The following DLG2 variants were observed in gnomAD, a reference collection of about 807,000 sequenced individuals.
DLG2 encodes the protein discs large MAGUK scaffold protein 2.
A neutral mutation model predicts 132.5 loss-of-function variants in DLG2; 45 were observed. The ratio of observed to expected loss-of-function variants is 0.34; its 90% CI spans 0.27 to 0.44. The LOEUF is 0.44. DLG2 is among the 20% of genes least tolerant of loss of function. The pLI is 1.00. For synonymous variants in DLG2, 424 were observed against 419.6 expected, an observed-to-expected ratio of 1.01 and a Z score of -0.13; for missense variants, 1,045 against 1,196.9, an observed-to-expected ratio of 0.87 and a Z score of 1.87.
chr11:84,429,457 T>C (rs970827808), intron 7 of DLG2, among the ~76,000 whole-genome samples: 1 of 152,160 alleles, frequency 6.6e-6, no homozygotes, highest in Non-Finnish European at 1.5e-5. Context: ...TTAATTCCTA[T>C]ACTTAATACA....
At chr11:84,805,017 A>G (rs1189944781) in intron 6 of DLG2, among the ~76,000 whole-genome samples, 1 of 152,172 alleles carries the variant, frequency 6.6e-6, no homozygotes, top group Non-Finnish European at 1.5e-5. Flanking sequence ...GTATCAGAAG[A>G]GGCCTTCTGG....
intron 3 of DLG2, among the ~76,000 whole-genome samples, chr11:85,460,804 G>C (rs968447313): frequency 6.6e-6 from 1 of 152,188 alleles, no homozygotes; most frequent in Non-Finnish European, 1.5e-5. Context: ...GCAAGTTCCT[G>C]CTTTGAAAAA....
At chr11:84,765,687 C>T (rs926818277) in intron 6 of DLG2, among the ~76,000 whole-genome samples, 1 of 151,958 alleles carries the variant, frequency 6.6e-6, no homozygotes, top group African/African-American at 2.4e-5. Flanking sequence ...AATATTTAAG[C>T]AACCCATTCT....
At chr11:83,870,727 G>A (rs1323071288) in intron 16 of DLG2, among the ~76,000 whole-genome samples, 3 of 152,016 alleles carry the variant, frequency 2.0e-5, no homozygotes, top group Non-Finnish European at 4.4e-5. Context: ...TGCTAATTGG[G>A]GGACTCTTCA....
At chr11:83,876,625 T>A (rs2064850804) in intron 15 of DLG2, among the ~76,000 whole-genome samples, 1 of 152,082 alleles carries the variant, frequency 6.6e-6, no homozygotes, top group African/African-American at 2.4e-5. Flanking sequence ...GATATAAGTA[T>A]TCCCATACAC....
Position 84,168,822 on chromosome 11 carries a change from CACAT to C in DLG2, c.574-5315_574-5312del, listed in dbSNP as rs987870270. ...GCCACAGCAAATCAACACACACACA[CACAT>C]ACACACACACACACACACACACACA... On this transcript the variant is annotated intron_variant, in intron 8 of 27. Transcript: ENST00000376104. Among the ~76,000 whole-genome samples, 15 of 108,438 alleles carry C rather than the reference CACAT, an allele frequency of 1.4e-4. 1 individual carries two copies. Among genetic ancestry groups the C allele is most frequent in the Admixed American group, 5.1e-4 (5 of 9,716 alleles). The allele number at this position is 108,438 out of a possible 152,430, so 71.1% of individuals were successfully genotyped here. A position where few individuals can be genotyped will look rare whatever the true frequency, so the allele number is the denominator to read the frequency against.
chr11:84,759,208 T>C (rs76791900), intron 6 of DLG2, among the ~76,000 whole-genome samples: 157 of 152,198 alleles, frequency 1.0e-3, no homozygotes, highest in African/African-American at 3.4e-3. Context: ...TAAGTAACCA[T>C]TGTCACTAGA....
At chr11:85,578,141 AG>A (rs1431082729) in intron 3 of DLG2, among the ~76,000 whole-genome samples, 15 of 152,190 alleles carry the variant, frequency 9.9e-5, no homozygotes, top group Admixed American at 2.6e-4. Flanking sequence ...GCAATGGGGA[AG>A]GGATTCCCTA....
chr11:83,961,245 A>G (rs891870782), intron 14 of DLG2, among the ~76,000 whole-genome samples: 1 of 152,028 alleles, frequency 6.6e-6, no homozygotes, highest in African/African-American at 2.4e-5. Context: ...CAGAGGTTAA[A>G]TGACTTGCCC....
intron 6 of DLG2, among the ~76,000 whole-genome samples, chr11:85,053,334 C>T (rs1356921643): frequency 6.6e-6 from 1 of 152,104 alleles, no homozygotes; most frequent in Non-Finnish European, 1.5e-5. Context: ...AACCATGTTA[C>T]CTCTCTGAGA....
chr11:83,986,113 G>C (rs1295344680), intron 11 of DLG2, among the ~76,000 whole-genome samples: 2 of 151,396 alleles, frequency 1.3e-5, no homozygotes, highest in South Asian at 2.1e-4. Context: ...CAATGTGCAG[G>C]TTAGTTACAT....
chr11:84,521,850 GA>G (rs2099302416), intron 7 of DLG2, among the ~76,000 whole-genome samples: 1 of 152,164 alleles, frequency 6.6e-6, no homozygotes, highest in African/African-American at 2.4e-5. Context: ...ACTACCATCA[GA>G]AACAAGTTTT....
intron 3 of DLG2, among the ~76,000 whole-genome samples, chr11:85,465,149 T>A (rs7938858): frequency 0.81 from 107,232 of 131,874 alleles, 44,638 homozygotes; most frequent in Non-Finnish European, 0.91. Context: ...AATATAAGAT[T>A]TTTTTTTTTT....
intron 3 of DLG2, among the ~76,000 whole-genome samples, chr11:85,439,046 A>G (rs1300300707): frequency 2.0e-5 from 3 of 152,234 alleles, no homozygotes; most frequent in Admixed American, 6.5e-5. Flanking sequence ...GCTGAGTAGT[A>G]TTCCATGGTA....
chr11:83,732,831 AGCACTGGGAAACACTTTC>A (rs1157129584), intron 18 of DLG2, among the ~76,000 whole-genome samples: 2 of 152,196 alleles, frequency 1.3e-5, no homozygotes, highest in Non-Finnish European at 2.9e-5. Context: ...GGGGGAAGGA[AGCACTGGGAAACACTTTC>A]GCTGAGGTAG....
chr11:85,010,241 T>G (rs894749285), intron 6 of DLG2, among the ~76,000 whole-genome samples: 1 of 152,102 alleles, frequency 6.6e-6, no homozygotes, highest in African/African-American at 2.4e-5. Flanking sequence ...ATGCCTTTGC[T>G]TGACACAAGA....
At chr11:85,084,913 G>A (rs1183820672) in intron 6 of DLG2, among the ~76,000 whole-genome samples, 1 of 152,116 alleles carries the variant, frequency 6.6e-6, no homozygotes, top group South Asian at 2.1e-4. Context: ...AATTTTGAAT[G>A]TCGAAGATAG....
At chr11:84,489,746 A>G (rs1436708122) in intron 7 of DLG2, among the ~76,000 whole-genome samples, 3 of 152,068 alleles carry the variant, frequency 2.0e-5, no homozygotes, top group Non-Finnish European at 4.4e-5. Context: ...ATGACCTTTA[A>G]TGTTCACCTC....
intron 6 of DLG2, among the ~76,000 whole-genome samples, chr11:84,922,686 T>G (rs1273317182): frequency 6.6e-6 from 1 of 152,222 alleles, no homozygotes; most frequent in South Asian, 2.1e-4. Context: ...ACAATTCAGC[T>G]GCAAGAACAC....
Sources: allele counts gnomAD v4.1 joint callset (sites outside exome capture counted in the v4.1 genomes callset), GRCh38; gene constraint gnomAD v4.1.1; transcripts MANE v1.5; gene names NCBI Gene and HGNC (gene_info 2026-07-23, HGNC 2026-07-21).